TG: variants seen among roughly 807,000 people sequenced by gnomAD.
TG encodes the protein thyroid hormones.
Under a neutral mutation model 324.7 loss-of-function variants are expected in TG, and 270 were observed. That is an observed-to-expected ratio of 0.83 (90% CI 0.75 to 0.92). The LOEUF is 0.92. Ranked by LOEUF, TG falls within the 40% of genes least tolerant of loss-of-function variation. The pLI is 0.00. For synonymous variants in TG, 1,401 were observed against 1,327.0 expected (o/e 1.06, Z -1.21); for missense variants, 3,591 against 3,456.4 (o/e 1.04, Z -0.98).
chr8:133,012,529 G>A (rs1834611887), intron 36 of TG, among the ~76,000 whole-genome samples: 1 of 152,170 alleles, frequency 6.6e-6, no homozygotes, highest in Non-Finnish European at 1.5e-5. Context: ...AGAGTTTTTG[G>A]TCATTGTTGG....
At chr8:133,042,682 T>C (rs1838511153) in intron 41 of TG, among the ~76,000 whole-genome samples, 2 of 111,764 alleles carry the variant, frequency 1.8e-5, no homozygotes, top group East Asian at 2.5e-4. Flanking sequence ...CTGTGTCTTT[T>C]TTTTTTTTTT....
At chr8:133,018,529 GTTT>G (rs5895169) in intron 38 of TG, among the ~76,000 whole-genome samples, 1 of 147,744 alleles carries the variant, frequency 6.8e-6, no homozygotes, top group African/African-American at 2.5e-5. Flanking sequence ...AAAATTACAA[GTTT>G]TTTTTTTTTT....
chr8:132,877,296 C>T (rs760869750), intron 5 of TG, among the ~76,000 whole-genome samples: 2 of 152,100 alleles, frequency 1.3e-5, no homozygotes, highest in Non-Finnish European at 2.9e-5. Flanking sequence ...TGCGCCACCC[C>T]ACATGGCTAA....
intron 29 of TG, chr8:132,964,502 T>C (rs1828252731): frequency 1.2e-5 from 2 of 171,600 alleles, no homozygotes; most frequent in Non-Finnish European, 2.5e-5. Flanking sequence ...ATGGCCTCTC[T>C]GATTCAGAGG....
chr8:133,028,629 C>T (rs1403374993), intron 40 of TG, among the ~76,000 whole-genome samples: 1 of 152,146 alleles, frequency 6.6e-6, no homozygotes, highest in Non-Finnish European at 1.5e-5. Flanking sequence ...GCTATTATCA[C>T]CCCCGTTTTA....
intron 43 of TG, chr8:133,102,455 A>T: frequency 9.4e-7 from 1 of 1,061,844 alleles, no homozygotes; most frequent in Non-Finnish European, 1.4e-6. Context: ...TGGGTACAGG[A>T]TCCATCAAGT....
chr8:132,872,168 A>G (rs371186553), intron 4 of TG, among the ~76,000 whole-genome samples: 2 of 152,316 alleles, frequency 1.3e-5, no homozygotes, highest in South Asian at 4.1e-4. Context: ...AGTTTTAAAA[A>G]ATTAAAAAAT....
At chr8:133,055,941 C>T (rs1450212676) in intron 41 of TG, among the ~76,000 whole-genome samples, 8 of 152,054 alleles carry the variant, frequency 5.3e-5, no homozygotes, top group Admixed American at 3.3e-4. Flanking sequence ...GAAGTCCTCA[C>T]GCCTCCCTGT....
Position 132,948,869 on chromosome 8 carries a change from C to G in TG, c.5327C>G (p.Thr1776Arg), listed in dbSNP as rs1186106042. 3 of 1,614,130 alleles carry G rather than the reference C, an allele frequency of 1.9e-6. No homozygotes were observed. The highest frequency in any genetic ancestry group is 2.5e-6 in the Non-Finnish European group (3 of 1,180,008). ...CCCTCTGAAGCCTGGGCTAATGCTA[C>G]ATGTCCTGGTGTGACATATGACCAG... ...MDPSEAWANATCPGVTYDQES... is the reference protein window; with the variant it reads ...MDPSEAWANARCPGVTYDQES... Residue 1776 changes from threonine to arginine, a missense_variant, in exon 27 of 48, where the codon ACA (threonine) becomes AGA (arginine). By Grantham distance (71) the Thr-to-Arg change is moderately conservative. Transcript: ENST00000220616.
At chr8:133,094,430 T>C (rs989415046) in intron 41 of TG, among the ~76,000 whole-genome samples, 4 of 151,954 alleles carry the variant, frequency 2.6e-5, no homozygotes, top group Admixed American at 6.6e-5. Flanking sequence ...TTAGTAGAGA[T>C]GGGGTTTCAC....
intron 17 of TG, among the ~76,000 whole-genome samples, chr8:132,907,197 CT>C (rs755917701): frequency 2.6e-5 from 4 of 152,184 alleles, no homozygotes; most frequent in South Asian, 2.1e-4. Flanking sequence ...AGGAAAAATA[CT>C]GGGCAGGTCA....
intron 37 of TG, among the ~76,000 whole-genome samples, chr8:133,014,269 G>A (rs183263159): frequency 9.8e-5 from 15 of 152,298 alleles, no homozygotes; most frequent in East Asian, 3.9e-4. Context: ...CCTAACTATC[G>A]CATCTAAACA....
chr8:132,882,384 C>T (rs1587225903), intron 6 of TG, 85 bp from the exon 7 acceptor site: 1 of 1,493,814 alleles, frequency 6.7e-7, no homozygotes, highest in East Asian at 2.3e-5. Flanking sequence ...TGAAGGCTGT[C>T]TCTCTCAGTA....
chr8:133,049,835 G>C lies in TG; in HGVS notation c.7239+19812G>C, dbSNP rs538701509. On this transcript the variant is annotated intron_variant, in intron 41 of 47. Transcript: ENST00000220616. The stretch of plus-strand genomic sequence containing the variant: ...TACCACTATGAATGCTGGAATCTTT[G>C]TTCCACCTTATGAGTCACCAGCATA... 2.1e-4 allele frequency: 223 copies of C among 1,047,118 alleles called. 1 individual carries two copies. In the African/African-American group the frequency reaches 2.9e-3, roughly 14 times the overall value. 64.9% of individuals were successfully genotyped at this position (1,047,118 alleles called of 1,614,324 possible). A position where few individuals can be genotyped will look rare whatever the true frequency, so the allele number is the denominator to read the frequency against.
intron 41 of TG, chr8:133,050,529 G>A (rs17622362): frequency 0.026 from 9,094 of 351,886 alleles, 165 homozygotes; most frequent in Middle Eastern, 0.046. Context: ...CACTGCACAT[G>A]TGGTGGGAGA....
chr8:132,931,880 C>A (rs987412727), intron 23 of TG, among the ~76,000 whole-genome samples: 1 of 151,966 alleles, frequency 6.6e-6, no homozygotes, highest in Admixed American at 6.6e-5. Context: ...TGGATGGAGA[C>A]CAGCCTGGGC....
chr8:133,050,118 A>T, intron 41 of TG: 2 of 714,534 alleles, frequency 2.8e-6, no homozygotes, highest in Non-Finnish European at 2.5e-6. Flanking sequence ...GTCACTGGCC[A>T]CGTTAACCCA....
chr8:133,009,361 C>T (rs921730421), intron 35 of TG, among the ~76,000 whole-genome samples: 1 of 152,082 alleles, frequency 6.6e-6, no homozygotes, highest in Non-Finnish European at 1.5e-5. Context: ...GCATCTCTTG[C>T]AGTCAAGCCA....
chr8:132,886,497 C>G lies in TG; in HGVS notation c.1125C>G (p.Leu375=). The G allele has an allele frequency of 6.2e-7, 1 of 1,614,188 alleles. No individual in the cohort carries two copies. The highest frequency in any genetic ancestry group is 8.5e-7 in the Non-Finnish European group (1 of 1,180,046). ...AAAGGCAGCAGGCCTTGTCCAGACT[C>G]TACTTTGGGACCTCAGGCTACTTCA... is the stretch of plus-strand genomic sequence containing the variant. ...ASERQQALSR[L]YFGTSGYFSQ... is the part of the protein sequence containing the mutation. Residue 375 remains leucine (L), a synonymous_variant, in exon 9 of 48, where the codon CTC becomes CTG. Coordinates refer to ENST00000220616, the MANE Select transcript of TG (RefSeq NM_003235.5).
Sources: gnomAD v4.1 joint callset for allele counts (sites outside exome capture counted in the v4.1 genomes callset) on GRCh38, gnomAD v4.1.1 for gene constraint, MANE v1.5 for transcripts, NCBI Gene and HGNC (gene_info 2026-07-23, HGNC 2026-07-21) for gene names.